The following RGS5 variants were observed in gnomAD, a reference collection of about 807,000 sequenced individuals.
RGS5 encodes the protein regulator of G protein signaling 5.
Under a neutral mutation model 18.9 loss-of-function variants are expected in RGS5, and 20 were observed. The observed-to-expected ratio is 1.06, with a 90% confidence interval of 0.74 to 1.54. The LOEUF is 1.54. Among genes scored for constraint, RGS5 ranks in the 40% most tolerant of loss-of-function variants. RGS5 has a pLI of 0.00. For synonymous variants in RGS5, 57 were observed against 76.2 expected (o/e 0.75, Z 1.31); for missense variants, 201 against 211.8 (o/e 0.95, Z 0.32).
intron 2 of RGS5, among the ~76,000 whole-genome samples, chr1:163,297,139 A>C (rs369206651): frequency 2.6e-5 from 4 of 152,272 alleles, no homozygotes; most frequent in African/African-American, 9.6e-5. Context: ...AGAAAGGCAG[A>C]TTTATTAGAG....
chr1:163,313,347 T>C (rs1649926087), intron 1 of RGS5, among the ~76,000 whole-genome samples: 1 of 152,202 alleles, frequency 6.6e-6, no homozygotes, highest in Non-Finnish European at 1.5e-5. Flanking sequence ...TGAACAGAAC[T>C]AGAGGCAACT....
chr1:163,159,351 T>C (rs1353060637), intron 3 of RGS5, among the ~76,000 whole-genome samples: 1 of 152,210 alleles, frequency 6.6e-6, no homozygotes, highest in African/African-American at 2.4e-5. Flanking sequence ...TCACAATTTA[T>C]GTTCAAAGAT....
chr1:163,255,498 C>A (rs1262109357), intron 2 of RGS5, among the ~76,000 whole-genome samples: 1 of 151,776 alleles, frequency 6.6e-6, no homozygotes, highest in Non-Finnish European at 1.5e-5. Flanking sequence ...GAGTCCAGGA[C>A]CAGATGGATT....
chr1:163,284,228 G>A (rs776409614), intron 2 of RGS5, among the ~76,000 whole-genome samples: 2 of 151,994 alleles, frequency 1.3e-5, no homozygotes, highest in South Asian at 4.2e-4. Flanking sequence ...TTCACTTACC[G>A]GTTTATTCAC....
chr1:163,227,880 ATTAAAAC>A (rs1647374205), intron 2 of RGS5, among the ~76,000 whole-genome samples: 1 of 152,230 alleles, frequency 6.6e-6, no homozygotes, highest in South Asian at 2.1e-4. Flanking sequence ...TAGGGCAGTC[ATTAAAAC>A]TTAAAGTTCT....
At chr1:163,286,017 CAT>C (rs1553226792) in intron 2 of RGS5, among the ~76,000 whole-genome samples, 2 of 151,570 alleles carry the variant, frequency 1.3e-5, no homozygotes, top group African/African-American at 4.8e-5. Flanking sequence ...CACACACACA[CAT>C]GCACACAGAC....
intron 1 of RGS5, among the ~76,000 whole-genome samples, chr1:163,196,632 T>C (rs974753356): frequency 1.3e-5 from 2 of 152,142 alleles, no homozygotes; most frequent in Admixed American, 1.3e-4. Context: ...GCCCAGGCAG[T>C]ACAACTTCCT....
At chr1:163,287,746 C>A (rs1649180413) in intron 2 of RGS5, among the ~76,000 whole-genome samples, 1 of 152,186 alleles carries the variant, frequency 6.6e-6, no homozygotes, top group African/African-American at 2.4e-5. Flanking sequence ...CTATTTACAT[C>A]TTTGGGTAAT....
At chr1:163,308,682 G>A (rs1649771156) in intron 1 of RGS5, 1 of 152,044 alleles carries the variant, frequency 6.6e-6, no homozygotes, top group Non-Finnish European at 1.5e-5. Context: ...GACTTTAAAG[G>A]TATTGCAATT....
At chr1:163,179,930 T>G (rs1658731967) in intron 1 of RGS5, among the ~76,000 whole-genome samples, 1 of 152,190 alleles carries the variant, frequency 6.6e-6, no homozygotes, top group Non-Finnish European at 1.5e-5. Context: ...ACTCTCATAA[T>G]TTATAAATGC....
intron 2 of RGS5, chr1:163,300,472 C>A (rs1260078330): frequency 6.6e-6 from 1 of 152,222 alleles, no homozygotes; most frequent in Non-Finnish European, 1.5e-5. Flanking sequence ...CAAGTACTAA[C>A]CAGGTTATCA....
At chr1:163,200,874 T>G (rs1659748192) in intron 1 of RGS5, among the ~76,000 whole-genome samples, 1 of 152,152 alleles carries the variant, frequency 6.6e-6, no homozygotes, top group Non-Finnish European at 1.5e-5. Flanking sequence ...AAAAATAAAG[T>G]GATCCAATAT....
chr1:163,265,242 T>C (rs919370164), intron 2 of RGS5, among the ~76,000 whole-genome samples: 5 of 152,100 alleles, frequency 3.3e-5, no homozygotes, highest in Admixed American at 3.3e-4. Flanking sequence ...CTTAAGTTCA[T>C]AGGGGGAAAA....
chr1:163,198,393 C>T (rs542431720), intron 1 of RGS5, among the ~76,000 whole-genome samples: 1 of 152,072 alleles, frequency 6.6e-6, no homozygotes, highest in Non-Finnish European at 1.5e-5. Context: ...GCTTGTAGCT[C>T]TTTAAAATAC....
upstream of RGS5, among the ~76,000 whole-genome samples, chr1:163,217,825 G>A (rs540027735): frequency 1.3e-5 from 2 of 152,042 alleles, no homozygotes; most frequent in South Asian, 4.2e-4. Flanking sequence ...GTTTGAATTG[G>A]GATTTATATT....
chr1:163,258,468 T>C lies in RGS5; in HGVS notation c.-281+47765A>G, dbSNP rs143972354. On this transcript the variant is annotated intron_variant, in intron 2 of 5. Transcript: ENST00000618415. The stretch of plus-strand genomic sequence containing the variant: ...GGTATTGTACACAGAGGCGGAAACA[T>C]TTATATGTGATTTGGGAAAGCTAAA... Among the ~76,000 whole-genome samples the C allele has an allele frequency of 2.8e-3, 422 of 152,208 alleles. 3 individuals carry two copies. Among genetic ancestry groups the C allele is most frequent in the African/African-American group, 9.7e-3 (403 of 41,502 alleles).
chr1:163,247,607 C>T (rs142002598), intron 2 of RGS5, among the ~76,000 whole-genome samples: 11 of 144,498 alleles, frequency 7.6e-5, no homozygotes, highest in East Asian at 3.9e-4. Context: ...TATATGTATA[C>T]GTATGACATA....
At chr1:163,285,998 G>GCACACACACA (rs10683583) in intron 2 of RGS5, among the ~76,000 whole-genome samples, 1 of 135,028 alleles carries the variant, frequency 7.4e-6, no homozygotes, top group Non-Finnish European at 1.6e-5. Flanking sequence ...TTTAATTTAT[G>GCACACACACA]CACACACACA....
At chr1:163,293,180 G>A (rs963616085) in intron 2 of RGS5, among the ~76,000 whole-genome samples, 1 of 152,110 alleles carries the variant, frequency 6.6e-6, no homozygotes, top group Non-Finnish European at 1.5e-5. Context: ...TCCATCTCAG[G>A]TTGAGTTTTG....
Sources: allele counts gnomAD v4.1 joint callset (sites outside exome capture counted in the v4.1 genomes callset), GRCh38; gene constraint gnomAD v4.1.1; transcripts MANE v1.5; gene names NCBI Gene and HGNC (gene_info 2026-07-23, HGNC 2026-07-21).